The following CTNNA2 variants were observed in gnomAD, a reference collection of about 807,000 sequenced individuals.
CTNNA2 encodes catenin alpha-2.
In CTNNA2, 42 loss-of-function variants were observed where a neutral mutation model predicts 101.0. The ratio of observed to expected loss-of-function variants is 0.42; its 90% CI spans 0.32 to 0.54. The LOEUF (loss-of-function observed/expected upper bound fraction) is 0.54, where lower values mean the gene tolerates loss of function less well. Ranked by LOEUF, CTNNA2 falls within the 20% of genes least tolerant of loss-of-function variation. CTNNA2 has a pLI of 0.14. For missense variants in CTNNA2, 871 were observed against 1,223.1 expected, an observed-to-expected ratio of 0.71 and a Z score of 4.29; for synonymous variants, 450 against 456.4, an observed-to-expected ratio of 0.99 and a Z score of 0.18.
At chr2:80,629,500 G>A (rs74884684) in intron 18 of CTNNA2, among the ~76,000 whole-genome samples, 31 of 152,074 alleles carry the variant, frequency 2.0e-4, no homozygotes, top group East Asian at 3.9e-4. Flanking sequence ...TAAATCTTTC[G>A]GATACAGATG....
intron 1 of CTNNA2, among the ~76,000 whole-genome samples, chr2:79,189,697 G>A (rs1673826503): frequency 6.6e-6 from 1 of 152,146 alleles, no homozygotes; most frequent in South Asian, 2.1e-4. Flanking sequence ...CTGACAGTAG[G>A]AAAGGCACCC....
chr2:80,195,401 G>A (rs898373698), intron 7 of CTNNA2, among the ~76,000 whole-genome samples: 3 of 152,106 alleles, frequency 2.0e-5, no homozygotes, highest in Non-Finnish European at 4.4e-5. Context: ...ATTTTGGTTT[G>A]TGAATCTTGA....
At chr2:79,700,304 AAGGGAATAGTAAGGTTTGCTATCATAGC>A (rs1276914247) in intron 2 of CTNNA2, among the ~76,000 whole-genome samples, 2 of 152,122 alleles carry the variant, frequency 1.3e-5, no homozygotes, top group Non-Finnish European at 2.9e-5. Flanking sequence ...CCTATGGCCT[AAGGGAATAGTAAGGTTTGCTATCATAGC>A]ATTTCTGATG....
intron 7 of CTNNA2, among the ~76,000 whole-genome samples, chr2:80,022,483 G>C (rs1185508580): frequency 6.6e-6 from 1 of 152,106 alleles, no homozygotes; most frequent in Non-Finnish European, 1.5e-5. Context: ...AACTATTCAG[G>C]GGCCAGGTGT....
intron 4 of CTNNA2, among the ~76,000 whole-genome samples, chr2:79,485,605 T>C (rs1229367009): frequency 6.6e-6 from 1 of 152,220 alleles, no homozygotes; most frequent in African/African-American, 2.4e-5. Context: ...CATCCCATGA[T>C]AGGCACTGAG....
At chr2:79,928,846 G>GA (rs1000268092) in intron 7 of CTNNA2, among the ~76,000 whole-genome samples, 27 of 151,426 alleles carry the variant, frequency 1.8e-4, no homozygotes, top group Admixed American at 1.1e-3. Context: ...AACAATACAT[G>GA]AAAAAAAATG....
rs1217141533 is a variant in CTNNA2, at chr2:79,810,536, T to TG, written c.299-47477_299-47476insG. 2.6e-5 allele frequency among the ~76,000 whole-genome samples: 4 copies of TG among 152,024 alleles called. No homozygotes were observed. In the South Asian group the frequency reaches 8.3e-4, roughly 32 times the overall value. On this transcript the variant is annotated intron_variant, in intron 3 of 18. Coordinates refer to ENST00000402739, the MANE Select transcript of CTNNA2 (RefSeq NM_001282597.3). ...CTTTTCTTTTCTTTTCTTTTTTTTT[T>TG]TTTGTTATACTTTAAGTTTTAGGGT...
At position 80,332,618 on chromosome 2, in the gene CTNNA2, A is replaced by G. The variant is rs182584570; in HGVS notation, c.1057-60593A>G. ...AGCAGAGAAGGAAGGAAGGCCCCAG[A>G]AGAAGGTTGACGAAAGAGAAAACAT... On this transcript the variant is annotated intron_variant, in intron 7 of 18. Transcript: ENST00000402739. Among the ~76,000 whole-genome samples the G allele has an allele frequency of 3.6e-3, 553 of 152,358 alleles. 13 individuals are homozygous for G. Among genetic ancestry groups the G allele is most frequent in the Admixed American group, 0.033 (512 of 15,302 alleles).
chr2:79,302,872 A>G (rs1044765571), intron 2 of CTNNA2, among the ~76,000 whole-genome samples: 1 of 152,220 alleles, frequency 6.6e-6, no homozygotes, highest in African/African-American at 2.4e-5. Context: ...TACTTGACCA[A>G]TTTAATTTCA....
At chr2:79,950,323 T>A (rs1261527353) in intron 7 of CTNNA2, among the ~76,000 whole-genome samples, 2 of 152,242 alleles carry the variant, frequency 1.3e-5, no homozygotes, top group Non-Finnish European at 2.9e-5. Context: ...GTGGTAAATG[T>A]AATTTGTAGT....
At chr2:79,815,475 A>T (rs753777137) in intron 3 of CTNNA2, among the ~76,000 whole-genome samples, 4 of 152,132 alleles carry the variant, frequency 2.6e-5, no homozygotes, top group Non-Finnish European at 4.4e-5. Context: ...ATCCAGTTTC[A>T]TGTGGCTAGC....
At chr2:79,807,470 G>C (rs1676667335) in intron 3 of CTNNA2, among the ~76,000 whole-genome samples, 1 of 151,956 alleles carries the variant, frequency 6.6e-6, no homozygotes, top group African/African-American at 2.4e-5. Flanking sequence ...GCATTTTTTA[G>C]CCTTAAAAAT....
chr2:80,631,492 G>T (rs1029667491), intron 18 of CTNNA2, among the ~76,000 whole-genome samples: 3 of 151,204 alleles, frequency 2.0e-5, no homozygotes, highest in African/African-American at 7.3e-5. Flanking sequence ...ACAATATGTT[G>T]TCCATCCATG....
rs774282530 is a variant in CTNNA2 at position 80,604,198 on chromosome 2, G to A, written c.2295+19G>A. 4.4e-6 allele frequency: 7 copies of A among 1,597,458 alleles called. No individual in the cohort carries two copies. Among genetic ancestry groups the A allele is most frequent in the Non-Finnish European group, 6.0e-6 (7 of 1,166,638 alleles). On this transcript the variant is annotated intron_variant, in intron 16 of 18. Transcript: ENST00000402739. ...TGATCAGGTAATAGAAGAGGGAAGG[G>A]TGGGCACATGCTGAGTGGAGTCACT...
At chr2:80,035,305 T>C (rs898064711) in intron 7 of CTNNA2, among the ~76,000 whole-genome samples, 1 of 152,194 alleles carries the variant, frequency 6.6e-6, no homozygotes, top group Non-Finnish European at 1.5e-5. Flanking sequence ...TTACATGTTG[T>C]GTCTGGGCTT....
rs548820759 is a variant in CTNNA2 at position 80,343,429 on chromosome 2, T to TA, written c.1057-49774dup. On this transcript the variant is annotated intron_variant, in intron 7 of 18. Transcript: ENST00000402739. Reference sequence around the variant, plus strand: ...TGATAAAAAAAAAAAAAAAAACACATAAAAAAAATCTCCAGTGTTCCAAGC... The same window carrying TA: ...TGATAAAAAAAAAAAAAAAAACACATAAAAAAAAATCTCCAGTGTTCCAAGC... 2.1e-3 allele frequency among the ~76,000 whole-genome samples: 311 copies of TA among 146,778 alleles called. 7 individuals carry two copies. The South Asian group carries it at 0.024, about 11-fold the overall frequency.
At chr2:79,313,691 G>A (rs1029805868) in intron 3 of CTNNA2, among the ~76,000 whole-genome samples, 15 of 152,106 alleles carry the variant, frequency 9.9e-5, no homozygotes, top group African/African-American at 3.4e-4. Flanking sequence ...GAATGGCCAA[G>A]GGACTCTGAC....
intron 7 of CTNNA2, among the ~76,000 whole-genome samples, chr2:80,116,294 G>A (rs770013486): frequency 5.9e-5 from 9 of 151,456 alleles, no homozygotes; most frequent in Admixed American, 4.0e-4. Flanking sequence ...ACTGTGTTCT[G>A]GCTGTTACAG....
chr2:79,502,618 A>G (rs537099196), intron 4 of CTNNA2, among the ~76,000 whole-genome samples: 9 of 152,186 alleles, frequency 5.9e-5, no homozygotes, highest in Non-Finnish European at 1.3e-4. Flanking sequence ...TGCTGGGGTA[A>G]TAGTGGAATA....
Sources: allele counts gnomAD v4.1 joint callset (sites outside exome capture counted in the v4.1 genomes callset), GRCh38; gene constraint gnomAD v4.1.1; transcripts MANE v1.5; gene names NCBI Gene and HGNC (gene_info 2026-07-23, HGNC 2026-07-21).